ATP6V1D: variants seen among roughly 807,000 people sequenced by gnomAD.
ATP6V1D encodes the protein V-type proton ATPase subunit D.
In ATP6V1D, 20 loss-of-function variants were observed where a neutral mutation model predicts 39.4. That is an observed-to-expected ratio of 0.51 (90% CI 0.36 to 0.74). The LOEUF (loss-of-function observed/expected upper bound fraction) is 0.74, where lower values mean the gene tolerates loss of function less well. ATP6V1D is among the 30% of genes least tolerant of loss of function. The pLI is 0.00. For missense variants in ATP6V1D, 228 were observed against 291.6 expected, an observed-to-expected ratio of 0.78 and a Z score of 1.59; for synonymous variants, 100 against 100.5, an observed-to-expected ratio of 0.99 and a Z score of 0.03.
intron 1 of ATP6V1D, among the ~76,000 whole-genome samples, chr14:67,354,174 G>T (rs927789103): frequency 4.6e-5 from 7 of 152,058 alleles, no homozygotes; most frequent in Admixed American, 6.5e-5. Context: ...CAATAATGTA[G>T]ATTTCTACCA....
chr14:67,352,888 A>G, intron 2 of ATP6V1D, 35 bp downstream of exon 2: 4 of 1,444,892 alleles, frequency 2.8e-6, no homozygotes, highest in Non-Finnish European at 3.8e-6. Context: ...GGATTTTTCT[A>G]AAATAAATAC....
chr14:67,359,442 C>T (rs8008619), intron 1 of ATP6V1D, among the ~76,000 whole-genome samples: 23,527 of 151,924 alleles, frequency 0.15, 3,445 homozygotes, highest in East Asian at 0.42. Context: ...GGCGCCTTTT[C>T]CTACCGGCTG....
intron 6 of ATP6V1D, among the ~76,000 whole-genome samples, chr14:67,344,695 G>A (rs1052931022): frequency 2.0e-5 from 3 of 146,416 alleles, no homozygotes; most frequent in Admixed American, 1.4e-4. Context: ...CCTGGGCAAC[G>A]TAGCAAGACC....
chr14:67,344,110 G>A (rs558672692), intron 6 of ATP6V1D, among the ~76,000 whole-genome samples: 4 of 152,302 alleles, frequency 2.6e-5, no homozygotes, highest in African/African-American at 9.6e-5. Context: ...TCTGATTCAT[G>A]AAGTTTTACT....
rs746220711 is a variant in ATP6V1D, at chr14:67,349,009, A to G, written c.307+28T>C. The G allele has an allele frequency of 4.4e-5, 70 of 1,603,164 alleles. No homozygotes were observed. The Admixed American group carries it at 1.1e-3, about 25-fold the overall frequency. On this transcript the variant is annotated intron_variant, in intron 4 of 8. Coordinates refer to ENST00000216442, the MANE Select transcript of ATP6V1D (RefSeq NM_015994.4). Reference sequence around the variant, plus strand: ...TAAAATGTCACCTCTTTTCTCCCCAAAGGGTTTCTAAAAGGTTGAAACGTT... The same window carrying G: ...TAAAATGTCACCTCTTTTCTCCCCAGAGGGTTTCTAAAAGGTTGAAACGTT...
chr14:67,340,497 C>T lies in ATP6V1D; in HGVS notation c.545G>A (p.Arg182His), dbSNP rs780067544. ...IEHVIIPRIE[R>H]TLAYIITELD... is the part of the protein sequence containing the mutation. The stretch of plus-strand genomic sequence containing the variant: ...CTCTGTGATGATATAAGCAAGAGTA[C>T]GTTCAATCCGGGGAATGATGACTAG... The change falls in exon 8 of 9, where the codon CGT (arginine) becomes CAT (histidine). Residue 182 changes from arginine to histidine, a missense_variant. Arg to His is a conservative substitution (Grantham distance 29, BLOSUM62 0). Around this residue, in one of 3 missense-constraint regions of ATP6V1D, gnomAD observed 114 missense variants for 128.3 expected, o/e 0.89. Transcript: ENST00000216442. The T allele has an allele frequency of 2.0e-5, 33 of 1,611,202 alleles. No homozygotes were observed. Among genetic ancestry groups the T allele is most frequent in the East Asian group, 6.7e-5 (3 of 44,768 alleles).
chr14:67,338,856 C>G, intron 8 of ATP6V1D, 94 bp from the exon 9 acceptor site: 1 of 1,104,318 alleles, frequency 9.1e-7, no homozygotes, highest in Middle Eastern at 2.6e-4. Flanking sequence ...ATAATAAACA[C>G]ATACCTAGAA....
In ATP6V1D at chr14:67,338,433, C is replaced by T; in HGVS notation, c.*188G>A. On this transcript the variant is annotated 3_prime_UTR_variant, in exon 9 of 9. Transcript: ENST00000216442. ...CTGGGCAGGTTTTACAGATCTCTTT[C>T]ATCCATGATAAATGGTTGCTAAATT... is the stretch of plus-strand genomic sequence containing the variant. 1 of 608,008 alleles carries T rather than the reference C, an allele frequency of 1.6e-6. No individual in the cohort carries two copies. The highest frequency in any genetic ancestry group is 2.7e-6 in the Non-Finnish European group (1 of 366,722). The allele number at this position is 608,008 out of a possible 1,614,324, so 37.7% of individuals were successfully genotyped here. A position where few individuals can be genotyped will look rare whatever the true frequency, so the allele number is the denominator to read the frequency against.
chr14:67,346,951 T>G (rs1191935297), intron 5 of ATP6V1D, among the ~76,000 whole-genome samples: 1 of 152,194 alleles, frequency 6.6e-6, no homozygotes. Flanking sequence ...TTGAAATATT[T>G]TAAGATATGT....
intron 1 of ATP6V1D, among the ~76,000 whole-genome samples, chr14:67,357,218 T>C (rs929667209): frequency 2.0e-5 from 3 of 152,256 alleles, no homozygotes; most frequent in African/African-American, 7.2e-5. Flanking sequence ...AGAATAATAC[T>C]GTTGAATGGA....
intron 1 of ATP6V1D, among the ~76,000 whole-genome samples, chr14:67,359,010 C>T (rs1299894966): frequency 6.6e-6 from 1 of 152,216 alleles, no homozygotes; most frequent in Non-Finnish European, 1.5e-5. Flanking sequence ...ATCTACTTTA[C>T]AGCGTGATGA....
At chr14:67,340,412 T>C in intron 8 of ATP6V1D, 28 bp downstream of exon 8, 2 of 1,592,432 alleles carry the variant, frequency 1.3e-6, no homozygotes, top group Non-Finnish European at 1.7e-6. Flanking sequence ...AAACAAAAGA[T>C]GATCAATAAC....
chr14:67,356,014 G>T (rs1256369944), intron 1 of ATP6V1D, among the ~76,000 whole-genome samples: 1 of 151,832 alleles, frequency 6.6e-6, no homozygotes, highest in Non-Finnish European at 1.5e-5. Context: ...CAAGTGTTTG[G>T]GTAATAAAAT....
At chr14:67,340,893 C>G (rs1233492789) in intron 7 of ATP6V1D, among the ~76,000 whole-genome samples, 3 of 152,236 alleles carry the variant, frequency 2.0e-5, no homozygotes, top group Non-Finnish European at 4.4e-5. Context: ...CCAGGCTGGT[C>G]TCCAGCTCCT....
intron 1 of ATP6V1D, among the ~76,000 whole-genome samples, chr14:67,356,733 TAA>T (rs1250689404): frequency 1.5e-4 from 23 of 152,252 alleles, no homozygotes; most frequent in Admixed American, 1.2e-3. Context: ...TGCCTCCCCT[TAA>T]AGAGAACAAT....
intron 1 of ATP6V1D, among the ~76,000 whole-genome samples, chr14:67,358,757 T>TTA (rs2085704185): frequency 6.6e-6 from 1 of 152,194 alleles, no homozygotes; most frequent in South Asian, 2.1e-4. Context: ...GGGAGCAAGT[T>TTA]GTTAGGCACA....
intron 4 of ATP6V1D, among the ~76,000 whole-genome samples, chr14:67,348,545 A>C (rs1367650474): frequency 1.3e-5 from 2 of 151,202 alleles, no homozygotes; most frequent in African/African-American, 2.4e-5. Flanking sequence ...ATTTTTAGAC[A>C]GAGTCTTGCT....
rs773954450 is a variant in ATP6V1D, at chr14:67,350,607, T to C, written c.239+4A>G. On this transcript the variant is annotated splice_donor_region_variant and intron_variant, in intron 3 of 8. Transcript: ENST00000216442. The stretch of plus-strand genomic sequence containing the variant: ...CTTCAAAACACCCCGTTTAGTCCCC[T>C]TACCTGAAGTCACCTGCTGTGAACT... 5 of 1,612,542 alleles carry C rather than the reference T, an allele frequency of 3.1e-6. No homozygotes were observed. The African/African-American group carries it at 5.3e-5, about 17-fold the overall frequency.
intron 4 of ATP6V1D, 65 bp from the exon 5 acceptor site, chr14:67,347,518 T>G (rs908205621): frequency 4.5e-6 from 5 of 1,102,356 alleles, no homozygotes; most frequent in Non-Finnish European, 6.7e-6. Context: ...TTTTTTTTTC[T>G]GAGACGGAGT....
Sources: gnomAD v4.1 joint callset for allele counts (sites outside exome capture counted in the v4.1 genomes callset) on GRCh38, gnomAD v4.1.1 for gene constraint, gnomAD v4.1.1 regional missense constraint, MANE v1.5 for transcripts, NCBI Gene and HGNC (gene_info 2026-07-23, HGNC 2026-07-21) for gene names.